Variants in CDYL observed in about 807,000 individuals in gnomAD.
The protein encoded by CDYL is chromodomain Y like.
In CDYL, 8 loss-of-function variants were observed where a neutral mutation model predicts 47.3. The ratio of observed to expected loss-of-function variants is 0.17; its 90% CI spans 0.10 to 0.31. The LOEUF (loss-of-function observed/expected upper bound fraction) is 0.31. Ranked by LOEUF, CDYL falls within the 10% of genes least tolerant of loss-of-function variation. CDYL has a pLI of 1.00. For synonymous variants in CDYL, 266 were observed against 265.0 expected, an observed-to-expected ratio of 1.00 and a Z score of -0.04; for missense variants, 471 against 701.4, an observed-to-expected ratio of 0.67 and a Z score of 3.71.
At chr6:4,936,855 C>G (rs546518601) in intron 3 of CDYL, among the ~76,000 whole-genome samples, 1 of 152,076 alleles carries the variant, frequency 6.6e-6, no homozygotes, top group African/African-American at 2.4e-5. Context: ...CTAAGAGCCG[C>G]AATGGCTGTA....
At chr6:4,776,330 C>CGGAGCGCG (rs1291621394), upstream of CDYL, 7 of 145,360 alleles carry the variant, frequency 4.8e-5, no homozygotes, top group Non-Finnish European at 6.1e-5. Context: ...CCCGAAAACC[C>CGGAGCGCG]GGAGCGCGGG....
Position 4,792,315 on chromosome 6 carries a change from G to A in CDYL, c.24+15508G>A, listed in dbSNP as rs77979466. On this transcript the variant is annotated intron_variant, in intron 1 of 6. Transcript: ENST00000397588. ...GATTCTAATCTTTGCTACTATATACGTTGGAAATATCTTCTGATATATGGC... is the reference window on the plus strand; with the variant it reads ...GATTCTAATCTTTGCTACTATATACATTGGAAATATCTTCTGATATATGGC... Among the ~76,000 whole-genome samples, 42 of 151,744 alleles carry A rather than the reference G, an allele frequency of 2.8e-4. No individual in the cohort carries two copies. In the East Asian group the frequency reaches 7.3e-3, roughly 27 times the overall value.
At chr6:4,905,348 C>T (rs547023858) in intron 2 of CDYL, among the ~76,000 whole-genome samples, 4 of 152,316 alleles carry the variant, frequency 2.6e-5, no homozygotes, top group South Asian at 4.1e-4. Context: ...CCTGAGCCTT[C>T]GGACACGATG....
intron 2 of CDYL, among the ~76,000 whole-genome samples, chr6:4,909,374 T>C (rs1368058825): frequency 6.6e-6 from 1 of 152,204 alleles, no homozygotes; most frequent in African/African-American, 2.4e-5. Flanking sequence ...CCCTCCCCTT[T>C]CCTGCATCCT....
chr6:4,946,285 C>G (rs552181965), intron 5 of CDYL, among the ~76,000 whole-genome samples: 1 of 152,180 alleles, frequency 6.6e-6, no homozygotes, highest in Non-Finnish European at 1.5e-5. Flanking sequence ...CCACCCACCA[C>G]ACGCCTCTGT....
intron 4 of CDYL, among the ~76,000 whole-genome samples, chr6:4,940,019 T>C (rs982937712): frequency 1.3e-5 from 2 of 152,150 alleles, no homozygotes; most frequent in African/African-American, 2.4e-5. Context: ...CCCTCCAGCG[T>C]TGAATTCCCT....
At chr6:4,741,052 G>T (rs1296771009) in intron 3 of CDYL, among the ~76,000 whole-genome samples, 2 of 152,122 alleles carry the variant, frequency 1.3e-5, no homozygotes, top group Non-Finnish European at 2.9e-5. Flanking sequence ...CTCCCAAAGT[G>T]CTGGGATTAC....
At chr6:4,848,239 G>A (rs567147948) in intron 1 of CDYL, among the ~76,000 whole-genome samples, 27 of 152,286 alleles carry the variant, frequency 1.8e-4, no homozygotes, top group African/African-American at 6.3e-4. Context: ...CTGATAATTA[G>A]TAGTGTCTGA....
chr6:4,740,299 G>A (rs1005321240), intron 3 of CDYL, among the ~76,000 whole-genome samples: 1 of 152,158 alleles, frequency 6.6e-6, no homozygotes, highest in African/African-American at 2.4e-5. Flanking sequence ...CTCATGTCAA[G>A]CCGGTGCTTC....
chr6:4,911,735 G>A (rs1757420971), intron 2 of CDYL, among the ~76,000 whole-genome samples: 1 of 152,168 alleles, frequency 6.6e-6, no homozygotes, highest in Non-Finnish European at 1.5e-5. Context: ...TCCTAGGTTA[G>A]TTTTAAACCT....
intron 1 of CDYL, among the ~76,000 whole-genome samples, chr6:4,707,948 T>C (rs1032954206): frequency 2.7e-5 from 4 of 150,034 alleles, no homozygotes; most frequent in Middle Eastern, 3.4e-3. Context: ...TGCTATTTAG[T>C]TTCTGAATAA....
chr6:4,808,133 G>A (rs1162880882), intron 1 of CDYL, among the ~76,000 whole-genome samples: 2 of 152,128 alleles, frequency 1.3e-5, no homozygotes, highest in Non-Finnish European at 2.9e-5. Flanking sequence ...AGGCACTTGA[G>A]GGAGCACTGT....
At position 4,892,346 on chromosome 6, in the gene CDYL, G is replaced by A. The variant is rs1263161789; in HGVS notation, c.658G>A (p.Ala220Thr). 1 of 1,613,474 alleles carries A rather than the reference G, an allele frequency of 6.2e-7. No individual in the cohort carries two copies. Among genetic ancestry groups the A allele is most frequent in the Non-Finnish European group, 8.5e-7 (1 of 1,179,714 alleles). Residue 220 changes from alanine (A) to threonine (T), a missense_variant, in exon 2 of 7, where the codon GCC (alanine) becomes ACC (threonine). This residue lies in a region of CDYL where 311 missense variants were observed against 350.0 expected (regional missense o/e 0.89). Transcript: ENST00000397588. ...VPQVPGPVTA[A>T]MATGLAVNGK... is the part of the protein sequence containing the mutation. ...TCAGGTGCCCGGCCCTGTGACTGCA[G>A]CCATGGCCACAGGCTTAGCTGTTAA... is the stretch of plus-strand genomic sequence containing the variant.
rs1758108099 is a variant in CDYL at position 4,758,351 on chromosome 6, A to ATATAT, written c.186+23507_186+23508insTATAT. Among the ~76,000 whole-genome samples, 20 of 129,082 alleles carry ATATAT rather than the reference A, an allele frequency of 1.5e-4. No individual in the cohort carries two copies. The East Asian group carries it at 2.7e-3, about 17-fold the overall frequency. The allele number at this position is 129,082 out of a possible 152,430, so 84.7% of individuals were successfully genotyped here. A position where few individuals can be genotyped will look rare whatever the true frequency, so the allele number is the denominator to read the frequency against. On this transcript the variant is annotated intron_variant, in intron 3 of 8. Transcript: ENST00000328908. Reference sequence around the variant, plus strand: ...AAGACTCATGTCTTGAAAATAAATAAATATATATATATATATATATCTCTT... The same window carrying ATATAT: ...AAGACTCATGTCTTGAAAATAAATAATATATATATATATATATATATATATCTCTT...
At chr6:4,782,735 G>A (rs1268398945) in intron 1 of CDYL, among the ~76,000 whole-genome samples, 1 of 152,106 alleles carries the variant, frequency 6.6e-6, no homozygotes, top group Non-Finnish European at 1.5e-5. Context: ...AGGGATATAG[G>A]ACCCAAAGCA....
At chr6:4,885,108 C>T (rs986720462) in intron 1 of CDYL, among the ~76,000 whole-genome samples, 3 of 152,124 alleles carry the variant, frequency 2.0e-5, no homozygotes, top group Admixed American at 2.0e-4. Flanking sequence ...ATCCTCCTAC[C>T]TCAGCCTCCC....
intron 3 of CDYL, among the ~76,000 whole-genome samples, chr6:4,756,818 A>T (rs1282382646): frequency 6.6e-6 from 1 of 152,172 alleles, no homozygotes; most frequent in African/African-American, 2.4e-5. Context: ...GAATATATGA[A>T]TTCCAATCCA....
intron 2 of CDYL, among the ~76,000 whole-genome samples, chr6:4,925,336 A>G (rs1023791117): frequency 6.6e-6 from 1 of 151,586 alleles, no homozygotes; most frequent in Admixed American, 6.6e-5. Flanking sequence ...AGTGAACTAT[A>G]TATTGAATGG....
At chr6:4,833,423 C>A (rs1216217796) in intron 1 of CDYL, among the ~76,000 whole-genome samples, 1 of 151,890 alleles carries the variant, frequency 6.6e-6, no homozygotes, top group Non-Finnish European at 1.5e-5. Context: ...TTTGATTGCA[C>A]TGTGGTCTGA....
Sources: allele counts gnomAD v4.1 joint callset (sites outside exome capture counted in the v4.1 genomes callset), GRCh38; gene constraint gnomAD v4.1.1; regional missense constraint gnomAD v4.1.1; transcripts MANE v1.5; gene names NCBI Gene and HGNC (gene_info 2026-07-23, HGNC 2026-07-21).